TBC1D22B: variants seen among roughly 807,000 people sequenced by gnomAD.
The protein encoded by TBC1D22B is TBC1 domain family member 22B, also known as chromosome 6 open reading frame 197.
TBC1D22B carries 32 observed loss-of-function variants against 69.1 expected under a neutral mutation model. That is an observed-to-expected ratio of 0.46 (90% CI 0.35 to 0.62). The LOEUF (loss-of-function observed/expected upper bound fraction) is 0.62, where lower values mean the gene tolerates loss of function less well. Among genes scored for constraint, TBC1D22B ranks in the 20% least tolerant of loss-of-function variants. The pLI is 0.00. For missense variants in TBC1D22B, 462 were observed against 630.9 expected (o/e 0.73, Z 2.87); for synonymous variants, 206 against 229.8 (o/e 0.90, Z 0.94).
Position 37,317,325 on chromosome 6 carries a change from A to G in TBC1D22B, c.1389+119A>G, listed in dbSNP as rs970713077. ...GGTACCTGGCTGGGAGTAGGAAGGG[A>G]GAAGGGGTGCTCTGAAGGGGTCGTC... On this transcript the variant is annotated intron_variant, in intron 12 of 12. Transcript: ENST00000373491. 4.0e-6 allele frequency: 4 copies of G among 995,800 alleles called. No individual in the cohort carries two copies. The Admixed American group carries it at 6.1e-5, about 15-fold the overall frequency. 61.7% of individuals were successfully genotyped at this position (995,800 alleles called of 1,614,324 possible).
chr6:37,281,371 C>T (rs996214505), intron 3 of TBC1D22B, among the ~76,000 whole-genome samples: 1 of 152,206 alleles, frequency 6.6e-6, no homozygotes. Flanking sequence ...GCTTATTCCC[C>T]CTACCCACTA....
At chr6:37,330,104 T>C (rs1768537724) in intron 12 of TBC1D22B, among the ~76,000 whole-genome samples, 1 of 152,214 alleles carries the variant, frequency 6.6e-6, no homozygotes, top group Non-Finnish European at 1.5e-5. Flanking sequence ...TTCACATTGC[T>C]AGTCTGTTTT....
At chr6:37,288,225 A>G (rs1001295236) in intron 7 of TBC1D22B, among the ~76,000 whole-genome samples, 1 of 152,216 alleles carries the variant, frequency 6.6e-6, no homozygotes, top group Non-Finnish European at 1.5e-5. Flanking sequence ...TTTGAAGGTA[A>G]CATCATTATT....
rs1361665190 is a variant in TBC1D22B, at chr6:37,317,117, C to T, written c.1300C>T (p.Pro434Ser). The change falls in exon 12 of 13, where the codon CCA becomes TCA. Residue 434 changes from proline to serine, a missense_variant. By Grantham distance (74) the Pro-to-Ser change is moderately conservative. This residue lies in a region of TBC1D22B where 225 missense variants were observed against 375.4 expected (regional missense o/e 0.60). Transcript: ENST00000373491. ...IRLWDTYQSE[P>S]EGFSHFHLYV... ...CTATTTTTCTGCTTCCCAGTCTGAA[C>T]CAGAAGGGTTCTCCCACTTTCATCT... The T allele has an allele frequency of 1.3e-6, 2 of 1,568,272 alleles. No homozygotes were observed. The highest frequency in any genetic ancestry group is 1.7e-6 in the Non-Finnish European group (2 of 1,154,486).
At chr6:37,269,752 C>T in intron 2 of TBC1D22B, 102 bp downstream of exon 2, 1 of 1,082,614 alleles carries the variant, frequency 9.2e-7, no homozygotes, top group Non-Finnish European at 1.4e-6. Context: ...TTTTTAGCGT[C>T]TCTTCTGCCC....
At chr6:37,261,985 G>A (rs1766116383) in intron 1 of TBC1D22B, among the ~76,000 whole-genome samples, 2 of 64,064 alleles carry the variant, frequency 3.1e-5, no homozygotes, top group South Asian at 5.3e-4. Flanking sequence ...GTGTGTGTGT[G>A]TGTGTGTGTG....
At chr6:37,275,652 A>T (rs1312204948) in intron 2 of TBC1D22B, among the ~76,000 whole-genome samples, 1 of 152,222 alleles carries the variant, frequency 6.6e-6, no homozygotes, top group African/African-American at 2.4e-5. Context: ...TCATAGGATT[A>T]TTAATGGGCA....
chr6:37,282,328 T>C lies in TBC1D22B; in HGVS notation c.565T>C (p.Phe189Leu). Residue 189 changes from phenylalanine to leucine, a missense_variant, in exon 4 of 13, where the codon TTC becomes CTC. Physicochemically the swap from Phe to Leu is conservative, Grantham distance 22. Around this residue, in one of 2 missense-constraint regions of TBC1D22B, gnomAD observed 237 missense variants for 255.4 expected, o/e 0.93. Transcript: ENST00000373491. ...TVREKTRLEK[F>L]RQLLSSQNTD... ...CCGGGAGAAAACCCGCCTAGAAAAA[T>C]TCCGTCAACTTCTCTCCAGCCAGAA... 4.3e-6 allele frequency: 7 copies of C among 1,612,506 alleles called. No individual in the cohort carries two copies. The highest frequency in any genetic ancestry group is 5.9e-6 in the Non-Finnish European group (7 of 1,179,132).
intron 1 of TBC1D22B, among the ~76,000 whole-genome samples, chr6:37,265,953 A>G (rs533444915): frequency 5.3e-5 from 8 of 152,310 alleles, no homozygotes; most frequent in African/African-American, 1.9e-4. Flanking sequence ...AATGTTGAGT[A>G]TGGATTAAAT....
intron 12 of TBC1D22B, among the ~76,000 whole-genome samples, chr6:37,320,472 T>C (rs1373078602): frequency 1.3e-5 from 2 of 152,186 alleles, no homozygotes; most frequent in African/African-American, 4.8e-5. Flanking sequence ...GAGCTTATTA[T>C]CATTAATATT....
chr6:37,269,604 GTA>G lies in TBC1D22B; in HGVS notation c.71_72del (p.Tyr24TrpfsTer8). The G allele has an allele frequency of 6.2e-7, 1 of 1,614,086 alleles. No individual in the cohort carries two copies. Among genetic ancestry groups the G allele is most frequent in the Admixed American group, 1.7e-5 (1 of 60,006 alleles). Reference protein sequence around the residue: ...SAKLPGSIQPVYGAQHPPLDP... With the variant: ...SAKLPGSIQPXYGAQHPPLDP... ...TGTTTTTGCTTTTAGCATTCAGCCT[GTA>G]TATGGAGCACAGCATCCTCCTCTTG... On this transcript the variant is annotated frameshift_variant, in exon 2 of 13. Coordinates refer to ENST00000373491, the MANE Select transcript of TBC1D22B (RefSeq NM_017772.4). LOFTEE classifies it high-confidence loss of function.
rs1192083525 is a variant in TBC1D22B at position 37,332,880 on chromosome 6, G to A, written c.*1708G>A. ...AAGAAAGACACTTGTGTTCCCAAGT[G>A]GTGGTTTTATTTTTTTAGTTTTTAT... On this transcript the variant is annotated 3_prime_UTR_variant, in exon 13 of 13. Coordinates refer to ENST00000373491, the MANE Select transcript of TBC1D22B (RefSeq NM_017772.4). 1 of 152,550 alleles carries A rather than the reference G, an allele frequency of 6.6e-6. No homozygotes were observed. The highest frequency in any genetic ancestry group is 6.5e-5 in the Admixed American group (1 of 15,278). The allele number at this position is 152,550 out of a possible 1,614,324, so 9.4% of individuals were successfully genotyped here.
intron 2 of TBC1D22B, among the ~76,000 whole-genome samples, chr6:37,270,525 A>C (rs1376121126): frequency 6.6e-6 from 1 of 152,164 alleles, no homozygotes; most frequent in Non-Finnish European, 1.5e-5. Context: ...CTAATAAATT[A>C]TTTTCAAGCA....
At chr6:37,312,858 ATCTT>A (rs1767957590) in intron 8 of TBC1D22B, 56 bp from the exon 9 acceptor site, 1 of 1,407,648 alleles carries the variant, frequency 7.1e-7, no homozygotes, top group African/African-American at 1.4e-5. Flanking sequence ...ACTCGAATCT[ATCTT>A]TCTCTCTCCA....
At chr6:37,317,060 C>A in intron 11 of TBC1D22B, 51 bp from the exon 12 acceptor site, 1 of 1,533,000 alleles carries the variant, frequency 6.5e-7, no homozygotes, top group South Asian at 1.2e-5. Context: ...AGGACCAGAG[C>A]TGAATCTTTG....
intron 12 of TBC1D22B, among the ~76,000 whole-genome samples, chr6:37,330,273 T>C (rs1768546703): frequency 8.1e-6 from 1 of 123,088 alleles, no homozygotes; most frequent in Non-Finnish European, 1.6e-5. Context: ...AGAGTCTCAC[T>C]CAGTCGCCAG....
chr6:37,327,073 G>A (rs1208460034), intron 12 of TBC1D22B, among the ~76,000 whole-genome samples: 2 of 152,174 alleles, frequency 1.3e-5, no homozygotes, highest in Admixed American at 1.3e-4. Context: ...CATGGTGCGG[G>A]AAGGAGGTAG....
rs189920473 is a variant in TBC1D22B at position 37,314,125 on chromosome 6, C to T, written c.1165+234C>T. 5.3e-5 allele frequency among the ~76,000 whole-genome samples: 8 copies of T among 152,294 alleles called. No homozygotes were observed. The East Asian group carries it at 1.3e-3, about 26-fold the overall frequency. On this transcript the variant is annotated intron_variant, in intron 10 of 12. Coordinates refer to ENST00000373491, the MANE Select transcript of TBC1D22B (RefSeq NM_017772.4). ...TTGGTTTCCTATCACCAGGCTCTATCGGTTCTCCTTCAGCAGCTCTCTTCA... is the reference window on the plus strand; with the variant it reads ...TTGGTTTCCTATCACCAGGCTCTATTGGTTCTCCTTCAGCAGCTCTCTTCA...
intron 8 of TBC1D22B, among the ~76,000 whole-genome samples, chr6:37,301,574 C>G (rs1767573182): frequency 1.3e-5 from 2 of 152,190 alleles, no homozygotes; most frequent in African/African-American, 2.4e-5. Context: ...GTCAGTACTT[C>G]ATTCTTTTCT....
Sources: gnomAD v4.1 joint callset for allele counts (sites outside exome capture counted in the v4.1 genomes callset) on GRCh38, gnomAD v4.1.1 for gene constraint, gnomAD v4.1.1 regional missense constraint, MANE v1.5 for transcripts, NCBI Gene and HGNC (gene_info 2026-07-23, HGNC 2026-07-21) for gene names.